The following ARL15 variants were observed in gnomAD, a reference collection of about 807,000 sequenced individuals.
ARL15 encodes the protein ADP-ribosylation factor-like protein 15.
A neutral mutation model predicts 25.2 loss-of-function variants in ARL15; 19 were observed. That is an observed-to-expected ratio of 0.75 (90% CI 0.53 to 1.10). The LOEUF is 1.10. ARL15 is among the 50% of genes least tolerant of loss of function. The pLI is 0.00. For synonymous variants in ARL15, 94 were observed against 86.8 expected, an observed-to-expected ratio of 1.08 and a Z score of -0.46; for missense variants, 220 against 246.0, an observed-to-expected ratio of 0.89 and a Z score of 0.71.
intron 3 of ARL15, among the ~76,000 whole-genome samples, chr5:54,127,036 T>C (rs1753276420): frequency 6.6e-6 from 1 of 152,080 alleles, no homozygotes; most frequent in Non-Finnish European, 1.5e-5. Flanking sequence ...GAGTGTGATG[T>C]TCCCCTTCCT....
Position 53,923,281 on chromosome 5 carries a change from G to C in ARL15, c.463-36568C>G, listed in dbSNP as rs189247000. ...CAAAGTCCTTTTGCCTCTCCAACTT[G>C]AAACACAAGTTTGTATTTGTGGTCT... On this transcript the variant is annotated intron_variant, in intron 4 of 4. Coordinates refer to ENST00000504924, the MANE Select transcript of ARL15 (RefSeq NM_019087.3). Among the ~76,000 whole-genome samples, 7 of 152,164 alleles carry C rather than the reference G, an allele frequency of 4.6e-5. No individual in the cohort carries two copies. In the East Asian group the frequency reaches 1.3e-3, roughly 29 times the overall value.
At chr5:54,196,766 G>A (rs1352411419) in intron 1 of ARL15, among the ~76,000 whole-genome samples, 1 of 151,666 alleles carries the variant, frequency 6.6e-6, no homozygotes, top group Non-Finnish European at 1.5e-5. Context: ...CAGCTGCAGT[G>A]GGATATATTG....
At chr5:54,069,388 T>A (rs1044120038) in intron 4 of ARL15, among the ~76,000 whole-genome samples, 1 of 151,834 alleles carries the variant, frequency 6.6e-6, no homozygotes. Context: ...CTGGCCAACA[T>A]GGCGAAACCC....
At chr5:54,215,024 T>C (rs924487852) in intron 1 of ARL15, among the ~76,000 whole-genome samples, 2 of 152,096 alleles carry the variant, frequency 1.3e-5, no homozygotes, top group African/African-American at 4.8e-5. Flanking sequence ...CGTGTTTTTC[T>C]TTCCAACAAG....
At chr5:54,034,428 A>G (rs1490134253) in intron 4 of ARL15, among the ~76,000 whole-genome samples, 1 of 152,208 alleles carries the variant, frequency 6.6e-6, no homozygotes, top group Non-Finnish European at 1.5e-5. Context: ...AGAGCCAGAA[A>G]GAACAAACAG....
chr5:54,076,831 T>C (rs1053374021), intron 4 of ARL15, among the ~76,000 whole-genome samples: 1 of 151,958 alleles, frequency 6.6e-6, no homozygotes, highest in Non-Finnish European at 1.5e-5. Flanking sequence ...AAAACATCCA[T>C]GGAGGAAGAC....
intron 4 of ARL15, among the ~76,000 whole-genome samples, chr5:53,947,183 T>G (rs1004137971): frequency 6.9e-6 from 1 of 143,962 alleles, no homozygotes; most frequent in Admixed American, 6.8e-5. Context: ...TGTGTGTGTG[T>G]GTGTGTGTGT....
chr5:54,223,831 T>G (rs26770), intron 1 of ARL15, among the ~76,000 whole-genome samples: 2 of 151,836 alleles, frequency 1.3e-5, no homozygotes, highest in African/African-American at 2.4e-5. Context: ...ATACTGAGAA[T>G]AAATGGCAAT....
rs148122940 is a variant in ARL15, at chr5:54,051,470, TA to T, written c.462+61731del. ...TACAAAAGAATACATGTAACAAATA[TA>T]AATTGCAGAGCCTAAAAATAAATAG... On this transcript the variant is annotated intron_variant, in intron 4 of 4. Coordinates refer to ENST00000504924, the MANE Select transcript of ARL15 (RefSeq NM_019087.3). Among the ~76,000 whole-genome samples the T allele has an allele frequency of 8.4e-3, 1,281 of 152,286 alleles. 16 individuals carry two copies. The highest frequency in any genetic ancestry group is 0.028 in the African/African-American group (1,178 of 41,554).
intron 1 of ARL15, among the ~76,000 whole-genome samples, chr5:54,217,801 T>A (rs1253219481): frequency 6.6e-6 from 1 of 152,178 alleles, no homozygotes; most frequent in African/African-American, 2.4e-5. Context: ...TATATTTATA[T>A]AGCCATTTTA....
At chr5:54,285,768 C>G (rs1190199664) in intron 1 of ARL15, among the ~76,000 whole-genome samples, 2 of 152,152 alleles carry the variant, frequency 1.3e-5, no homozygotes, top group Non-Finnish European at 2.9e-5. Flanking sequence ...CTTGGGTCCT[C>G]TATTTCCAAA....
chr5:54,013,205 A>T (rs1749302866), intron 4 of ARL15, among the ~76,000 whole-genome samples: 1 of 152,262 alleles, frequency 6.6e-6, no homozygotes. Flanking sequence ...AAAATATGCA[A>T]GCCAATGAAT....
At chr5:54,261,508 T>C (rs1384854948) in intron 1 of ARL15, among the ~76,000 whole-genome samples, 1 of 151,734 alleles carries the variant, frequency 6.6e-6, no homozygotes, top group African/African-American at 2.4e-5. Flanking sequence ...TTTGTCAAAC[T>C]GAACTGGACA....
At chr5:54,136,371 CT>C (rs1201308476) in intron 3 of ARL15, among the ~76,000 whole-genome samples, 49 of 152,288 alleles carry the variant, frequency 3.2e-4, no homozygotes, top group Admixed American at 1.4e-3. Context: ...TAAAATGTGA[CT>C]TACAGCCAGT....
intron 4 of ARL15, among the ~76,000 whole-genome samples, chr5:53,971,764 A>G (rs1747758795): frequency 6.6e-6 from 1 of 152,188 alleles, no homozygotes; most frequent in Admixed American, 6.5e-5. Context: ...GAGAGGCCAG[A>G]AAGGGAAGAT....
At chr5:54,126,345 A>G (rs1229634403) in intron 3 of ARL15, among the ~76,000 whole-genome samples, 1 of 152,176 alleles carries the variant, frequency 6.6e-6, no homozygotes, top group Non-Finnish European at 1.5e-5. Context: ...AATTCTTGCT[A>G]TGCACTCTTT....
chr5:54,244,808 AAAAC>A (rs1043269007), intron 1 of ARL15, among the ~76,000 whole-genome samples: 23 of 152,198 alleles, frequency 1.5e-4, no homozygotes, highest in Non-Finnish European at 2.4e-4. Flanking sequence ...ATAAAAAAAA[AAAAC>A]ATCAGAAGGT....
intron 1 of ARL15, among the ~76,000 whole-genome samples, chr5:54,215,741 G>C (rs1248962326): frequency 7.2e-6 from 1 of 138,644 alleles, no homozygotes; most frequent in African/African-American, 2.7e-5. Flanking sequence ...CCGTCAGGGT[G>C]CCCCTTTACA....
In ARL15 at chr5:54,310,515, C is replaced by CG. The variant is rs764733210; in HGVS notation, c.-37dup. 1.5e-5 allele frequency: 24 copies of CG among 1,570,462 alleles called. No individual in the cohort carries two copies. The highest frequency in any genetic ancestry group is 7.7e-5 in the Admixed American group (4 of 51,642). The stretch of plus-strand genomic sequence containing the variant: ...AAAGCATCCGGAACGGCTCCGAACC[C>CG]GGAAAAAAAAAGCAGCGTCTCTGGC... On this transcript the variant is annotated 5_prime_UTR_variant, in exon 1 of 5. Transcript: ENST00000504924.
Sources: gnomAD v4.1 joint callset for allele counts (sites outside exome capture counted in the v4.1 genomes callset) on GRCh38, gnomAD v4.1.1 for gene constraint, MANE v1.5 for transcripts, NCBI Gene and HGNC (gene_info 2026-07-23, HGNC 2026-07-21) for gene names.